The following CDH12 variants were observed in gnomAD, a reference collection of about 807,000 sequenced individuals.
CDH12 encodes cadherin 12.
In CDH12, 41 loss-of-function variants were observed where a neutral mutation model predicts 74.1. That is an observed-to-expected ratio of 0.55 (90% CI 0.43 to 0.72). The LOEUF (loss-of-function observed/expected upper bound fraction) is 0.72. Among genes scored for constraint, CDH12 ranks in the 30% least tolerant of loss-of-function variants. The pLI, the probability that CDH12 is intolerant of heterozygous loss-of-function variation, is 0.00. For synonymous variants in CDH12, 399 were observed against 355.0 expected (o/e 1.12, Z -1.39); for missense variants, 945 against 977.2 (o/e 0.97, Z 0.44).
At chr5:22,578,386 T>TGG (rs57496264) in intron 1 of CDH12, among the ~76,000 whole-genome samples, 64 of 145,796 alleles carry the variant, frequency 4.4e-4, no homozygotes, top group African/African-American at 1.5e-3. Context: ...TTTGTGTGTG[T>TGG]GGGGGGGGGG....
chr5:21,764,745 A>G (rs1214139715), intron 12 of CDH12, among the ~76,000 whole-genome samples: 1 of 152,084 alleles, frequency 6.6e-6, no homozygotes, highest in African/African-American at 2.4e-5. Context: ...ACCTTTAATT[A>G]TACAAAGAAC....
intron 4 of CDH12, among the ~76,000 whole-genome samples, chr5:22,095,202 T>C (rs1198362715): frequency 6.6e-6 from 1 of 152,166 alleles, no homozygotes; most frequent in Non-Finnish European, 1.5e-5. Context: ...TCACCAATTT[T>C]AAATCAGGTA....
chr5:22,553,481 A>T (rs1738665382), intron 1 of CDH12, among the ~76,000 whole-genome samples: 1 of 152,120 alleles, frequency 6.6e-6, no homozygotes, highest in South Asian at 2.1e-4. Flanking sequence ...GCATATAAAG[A>T]GTACATTGGG....
chr5:22,812,285 TG>T (rs1458079282), intron 1 of CDH12, among the ~76,000 whole-genome samples: 1 of 152,088 alleles, frequency 6.6e-6, no homozygotes, highest in Non-Finnish European at 1.5e-5. Context: ...AAGAATTAGA[TG>T]GGAATATATA....
At chr5:22,415,652 C>T (rs1030096507) in intron 2 of CDH12, among the ~76,000 whole-genome samples, 3 of 152,112 alleles carry the variant, frequency 2.0e-5, no homozygotes, top group Admixed American at 6.5e-5. Context: ...TGAGAGGCAG[C>T]GGGCCCCAGA....
intron 1 of CDH12, among the ~76,000 whole-genome samples, chr5:22,556,784 C>T (rs1738821165): frequency 6.6e-6 from 1 of 152,000 alleles, no homozygotes; most frequent in African/African-American, 2.4e-5. Context: ...GAAAACTCTC[C>T]ATTGTAAATT....
intron 3 of CDH12, among the ~76,000 whole-genome samples, chr5:22,377,821 C>T (rs765792335): frequency 5.9e-4 from 90 of 152,242 alleles, no homozygotes; most frequent in Non-Finnish European, 9.9e-4. Flanking sequence ...ACAGTAAAAA[C>T]TCACTGATGC....
chr5:22,827,877 T>C (rs1325823741), intron 1 of CDH12, among the ~76,000 whole-genome samples: 1 of 151,922 alleles, frequency 6.6e-6, no homozygotes, highest in Non-Finnish European at 1.5e-5. Flanking sequence ...ATAATACTAA[T>C]TTTATTCTGT....
intron 1 of CDH12, among the ~76,000 whole-genome samples, chr5:22,768,236 A>G (rs948734723): frequency 1.3e-5 from 2 of 152,188 alleles, no homozygotes; most frequent in Admixed American, 6.5e-5. Context: ...GAAGGAAAAA[A>G]TCTTCAATTT....
chr5:22,588,403 C>A (rs947868090), intron 1 of CDH12, among the ~76,000 whole-genome samples: 13 of 152,062 alleles, frequency 8.5e-5, no homozygotes, highest in Non-Finnish European at 1.0e-4. Flanking sequence ...AATTAATTTT[C>A]ATACGCCATT....
At chr5:22,617,689 T>C (rs758455213) in intron 1 of CDH12, among the ~76,000 whole-genome samples, 7 of 152,134 alleles carry the variant, frequency 4.6e-5, no homozygotes, top group Non-Finnish European at 8.8e-5. Flanking sequence ...TTCTACATGG[T>C]ACCTGATTCT....
At chr5:22,665,250 T>C (rs1036138441) in intron 1 of CDH12, among the ~76,000 whole-genome samples, 1 of 152,220 alleles carries the variant, frequency 6.6e-6, no homozygotes, top group Non-Finnish European at 1.5e-5. Flanking sequence ...ACAAAGAGGA[T>C]GCCTTTGTAT....
intron 1 of CDH12, among the ~76,000 whole-genome samples, chr5:22,680,284 T>C (rs1480395660): frequency 1.3e-5 from 2 of 152,118 alleles, no homozygotes; most frequent in African/African-American, 4.8e-5. Flanking sequence ...TATCTCACAG[T>C]TGTGAAAAAG....
chr5:22,577,718 A>AT (rs1324775933), intron 1 of CDH12, among the ~76,000 whole-genome samples: 1 of 152,232 alleles, frequency 6.6e-6, no homozygotes, highest in Non-Finnish European at 1.5e-5. Context: ...CTATGTCCAG[A>AT]TAACGGGAAA....
chr5:22,838,080 A>T (rs147404706), intron 1 of CDH12, among the ~76,000 whole-genome samples: 30 of 152,300 alleles, frequency 2.0e-4, no homozygotes, highest in African/African-American at 6.3e-4. Context: ...TGATGGAAAG[A>T]TCCAGAGGGG....
intron 4 of CDH12, among the ~76,000 whole-genome samples, chr5:22,088,948 A>G (rs1743234787): frequency 6.6e-6 from 1 of 152,198 alleles, no homozygotes; most frequent in African/African-American, 2.4e-5. Context: ...AAAGGGCTTA[A>G]ATAAAACTTC....
chr5:22,810,969 A>T (rs1044130107), intron 1 of CDH12, among the ~76,000 whole-genome samples: 1 of 151,914 alleles, frequency 6.6e-6, no homozygotes, highest in Admixed American at 6.6e-5. Context: ...ATATACTTAC[A>T]TATATACATA....
chr5:22,694,249 C>T (rs1742235737), intron 1 of CDH12, among the ~76,000 whole-genome samples: 2 of 152,148 alleles, frequency 1.3e-5, no homozygotes, highest in Non-Finnish European at 2.9e-5. Context: ...AGAAGAAACA[C>T]TCTTAAATCA....
chr5:22,040,231 A>T (rs1315837158), intron 5 of CDH12, among the ~76,000 whole-genome samples: 2 of 152,088 alleles, frequency 1.3e-5, no homozygotes, highest in Non-Finnish European at 2.9e-5. Flanking sequence ...CAATCTCTGA[A>T]CTTAAATATA....
Sources: allele counts gnomAD v4.1 joint callset (sites outside exome capture counted in the v4.1 genomes callset), GRCh38; gene constraint gnomAD v4.1.1; transcripts MANE v1.5; gene names NCBI Gene and HGNC (gene_info 2026-07-23, HGNC 2026-07-21).